FHOD3: variants seen among roughly 807,000 people sequenced by gnomAD.
FHOD3 encodes the protein FH1/FH2 domain-containing protein 3.
In FHOD3, 90 loss-of-function variants were observed where a neutral mutation model predicts 173.0. That is an observed-to-expected ratio of 0.52 (90% CI 0.44 to 0.62). FHOD3 has a LOEUF of 0.62. Among genes scored for constraint, FHOD3 ranks in the 20% least tolerant of loss-of-function variants. The pLI, the probability that FHOD3 is intolerant of heterozygous loss-of-function variation, is 0.00. For missense variants in FHOD3, 1,945 were observed against 2,034.7 expected (o/e 0.96, Z 0.85); for synonymous variants, 828 against 823.0 (o/e 1.01, Z -0.10).
At chr18:36,710,504 T>C (rs1219337338) in intron 18 of FHOD3, 2 of 152,246 alleles carry the variant, frequency 1.3e-5, no homozygotes, top group Admixed American at 6.5e-5. Context: ...CAGAATGTCT[T>C]CCAATAGACC....
intron 1 of FHOD3, among the ~76,000 whole-genome samples, chr18:36,328,910 A>G (rs2044825512): frequency 6.6e-6 from 1 of 152,154 alleles, no homozygotes. Context: ...TTGGATTCCA[A>G]GTACAGATGT....
chr18:36,367,474 G>A (rs1186617919), intron 2 of FHOD3, among the ~76,000 whole-genome samples: 2 of 152,166 alleles, frequency 1.3e-5, no homozygotes, highest in African/African-American at 4.8e-5. Context: ...TGCCTTCTGG[G>A]TCACTGGATT....
intron 3 of FHOD3, among the ~76,000 whole-genome samples, chr18:36,484,869 G>A (rs894969629): frequency 4.6e-5 from 7 of 152,162 alleles, no homozygotes; most frequent in Non-Finnish European, 7.4e-5. Flanking sequence ...AGAACTCACT[G>A]GGGCAGTGAA....
intron 3 of FHOD3, among the ~76,000 whole-genome samples, chr18:36,477,064 G>A (rs1406918961): frequency 1.3e-5 from 2 of 152,226 alleles, no homozygotes; most frequent in African/African-American, 4.8e-5. Context: ...GAGTTATCTG[G>A]TGAGGGTGGA....
At chr18:36,462,146 T>C (rs2052591445) in intron 3 of FHOD3, among the ~76,000 whole-genome samples, 1 of 152,170 alleles carries the variant, frequency 6.6e-6, no homozygotes, top group Non-Finnish European at 1.5e-5. Flanking sequence ...TCCTATACCA[T>C]GGCTCATGGT....
intron 10 of FHOD3, among the ~76,000 whole-genome samples, chr18:36,639,932 T>A (rs1007327218): frequency 2.6e-5 from 4 of 152,110 alleles, no homozygotes; most frequent in African/African-American, 7.2e-5. Flanking sequence ...GTAACCCCAG[T>A]TACTAATTGT....
intron 10 of FHOD3, among the ~76,000 whole-genome samples, chr18:36,627,471 A>C (rs189241779): frequency 5.0e-4 from 76 of 152,324 alleles, no homozygotes; most frequent in Admixed American, 9.2e-4. Flanking sequence ...GGCACGGTTC[A>C]CAGTCTTGAA....
chr18:36,361,082 A>C, intron 2 of FHOD3, among the ~76,000 whole-genome samples: 1 of 151,886 alleles, frequency 6.6e-6, no homozygotes, highest in South Asian at 2.1e-4. Flanking sequence ...TTTCCTCTTA[A>C]GGTAGTTATC....
intron 7 of FHOD3, among the ~76,000 whole-genome samples, chr18:36,597,922 G>A (rs1469085027): frequency 1.3e-5 from 2 of 152,082 alleles, no homozygotes; most frequent in Non-Finnish European, 2.9e-5. Flanking sequence ...ATTTTATAAT[G>A]CATACATATA....
intron 2 of FHOD3, among the ~76,000 whole-genome samples, chr18:36,359,778 A>G (rs1171101945): frequency 6.6e-6 from 1 of 152,064 alleles, no homozygotes; most frequent in Non-Finnish European, 1.5e-5. Context: ...GTTTCCTTAT[A>G]ATTGGGGGCA....
At chr18:36,417,431 G>T (rs2049722554) in intron 3 of FHOD3, among the ~76,000 whole-genome samples, 1 of 152,124 alleles carries the variant, frequency 6.6e-6, no homozygotes, top group Non-Finnish European at 1.5e-5. Context: ...GGTATTCCAT[G>T]GTGTACATAT....
chr18:36,681,631 T>C, intron 15 of FHOD3, 61 bp downstream of exon 15: 2 of 1,520,272 alleles, frequency 1.3e-6, no homozygotes, highest in South Asian at 2.5e-5. Context: ...CATGTGACTT[T>C]ACAACTGTAT....
At chr18:36,590,570 A>G (rs1224242646) in intron 6 of FHOD3, among the ~76,000 whole-genome samples, 1 of 152,196 alleles carries the variant, frequency 6.6e-6, no homozygotes, top group Non-Finnish European at 1.5e-5. Context: ...GATTTAACTA[A>G]TATGCTTATT....
intron 22 of FHOD3, 27 bp from the exon 23 acceptor site, chr18:36,744,005 T>C (rs1200292261): frequency 1.2e-6 from 2 of 1,613,368 alleles, no homozygotes; most frequent in Non-Finnish European, 1.7e-6. Context: ...GCTTGAAACA[T>C]GTCTTTTATT....
chr18:36,482,822 AAC>A (rs1202251220), intron 3 of FHOD3, among the ~76,000 whole-genome samples: 1,011 of 92,530 alleles, frequency 0.011, 9 homozygotes, highest in Middle Eastern at 0.028. Context: ...CCGGTGAACA[AAC>A]ACACACACAC....
At chr18:36,612,815 T>G (rs1363801969) in intron 9 of FHOD3, among the ~76,000 whole-genome samples, 1 of 152,220 alleles carries the variant, frequency 6.6e-6, no homozygotes, top group Non-Finnish European at 1.5e-5. Context: ...GTGTATTTTG[T>G]TCTTACCAAA....
chr18:36,507,017 A>G (rs2055342500), intron 4 of FHOD3, among the ~76,000 whole-genome samples: 1 of 152,266 alleles, frequency 6.6e-6, no homozygotes, highest in African/African-American at 2.4e-5. Flanking sequence ...ACTGTAGCAG[A>G]TGAGACAGAT....
intron 14 of FHOD3, among the ~76,000 whole-genome samples, chr18:36,670,286 C>T (rs781303873): frequency 7.2e-5 from 11 of 152,058 alleles, no homozygotes; most frequent in Non-Finnish European, 1.0e-4. Flanking sequence ...CATCAAATTG[C>T]GAAAAATCTT....
chr18:36,364,040 G>C (rs2046765336), intron 2 of FHOD3, among the ~76,000 whole-genome samples: 1 of 152,022 alleles, frequency 6.6e-6, no homozygotes, highest in Non-Finnish European at 1.5e-5. Context: ...AGGAACCTGG[G>C]CTTGTTTTAT....
Sources: allele counts gnomAD v4.1 joint callset (sites outside exome capture counted in the v4.1 genomes callset), GRCh38; gene constraint gnomAD v4.1.1; transcripts MANE v1.5; gene names NCBI Gene and HGNC (gene_info 2026-07-23, HGNC 2026-07-21).